Variants in HACD4 observed in about 807,000 individuals in gnomAD.
The protein encoded by HACD4 is very-long-chain (3R)-3-hydroxyacyl-CoA dehydratase 4.
In HACD4, 35 loss-of-function variants were observed where a neutral mutation model predicts 33.3. The ratio of observed to expected loss-of-function variants is 1.05; its 90% CI spans 0.80 to 1.39. The LOEUF (loss-of-function observed/expected upper bound fraction) is 1.39. Among genes scored for constraint, HACD4 ranks in the 40% most tolerant of loss-of-function variants. The pLI is 0.00. For synonymous variants in HACD4, 118 were observed against 98.0 expected (o/e 1.20, Z -1.21); for missense variants, 323 against 276.5 (o/e 1.17, Z -1.19).
At chr9:21,030,165 G>A (rs563778108) in intron 1 of HACD4, among the ~76,000 whole-genome samples, 1 of 152,060 alleles carries the variant, frequency 6.6e-6, no homozygotes, top group South Asian at 2.1e-4. Context: ...AACAGGCTGG[G>A]CGCGGTGGCT....
In HACD4 at chr9:21,024,442, T is replaced by A. The variant is rs1027948486; in HGVS notation, c.270+2154A>T. On this transcript the variant is annotated intron_variant, in intron 3 of 6. Transcript: ENST00000495827. ...TTGAATAAAAGGTCTCAATGTATAT[T>A]TGCCCCTATGTTTAAATTGCCAAAC... is the stretch of plus-strand genomic sequence containing the variant. 3.3e-5 allele frequency among the ~76,000 whole-genome samples: 5 copies of A among 152,354 alleles called. 1 individual carries two copies. The highest frequency in any genetic ancestry group is 1.3e-4 in the Admixed American group (2 of 15,312).
At chr9:21,025,838 C>T in intron 3 of HACD4, among the ~76,000 whole-genome samples, 1 of 152,164 alleles carries the variant, frequency 6.6e-6, no homozygotes, top group East Asian at 1.9e-4. Context: ...GTATTCTTAA[C>T]TAAGTGCCAG....
Position 21,008,145 on chromosome 9 carries a change from T to A in HACD4, c.492A>T (p.Ala164=). ...PIYPLCVLAE[A]FAIYQSLPYF... ...AAGGCAGCGATTGATAGATGGCAAA[T>A]GCTGTTAAAAAAGAAAGGCATCATA... The change falls in exon 6 of 7, where the codon GCA becomes GCT. Residue 164 remains alanine (A), a splice_region_variant and synonymous_variant. Coordinates refer to ENST00000495827, the MANE Select transcript of HACD4 (RefSeq NM_001010915.5). The A allele has an allele frequency of 6.2e-7, 1 of 1,604,658 alleles. No individual in the cohort carries two copies. The highest frequency in any genetic ancestry group is 8.5e-7 in the Non-Finnish European group (1 of 1,176,158).
intron 3 of HACD4, among the ~76,000 whole-genome samples, chr9:21,017,419 TTATAA>T (rs36212560): frequency 0.22 from 32,727 of 151,962 alleles, 3,972 homozygotes; most frequent in Middle Eastern, 0.32. Context: ...CAGTCTTTCT[TTATAA>T]TATAATACTC....
At chr9:21,026,055 T>C (rs1489611292) in intron 3 of HACD4, among the ~76,000 whole-genome samples, 3 of 152,220 alleles carry the variant, frequency 2.0e-5, no homozygotes, top group Non-Finnish European at 4.4e-5. Context: ...CCTCTTTCCA[T>C]TGACGTTTAG....
Position 21,007,193 on chromosome 9 carries a change from A to G in HACD4, c.617-74T>C, listed in dbSNP as rs1461985800. ...CTGGAAGAAACAATGCTTTTAAAAT[A>G]CAGTCAGAGTGCTGCCCAAATCCAG... On this transcript the variant is annotated intron_variant, in intron 6 of 6. Transcript: ENST00000495827. 8 of 829,232 alleles carry G rather than the reference A, an allele frequency of 9.6e-6. No individual in the cohort carries two copies. In the East Asian group the frequency reaches 1.5e-4, roughly 15 times the overall value. 51.4% of individuals were successfully genotyped at this position (829,232 alleles called of 1,614,324 possible).
chr9:21,031,317 T>G (rs1364971292), intron 1 of HACD4: 3 of 359,292 alleles, frequency 8.3e-6, no homozygotes, highest in African/African-American at 6.6e-5. Context: ...CCATGCAGCC[T>G]GTCCTTCCCA....
At chr9:21,015,283 G>C (rs984912618) in intron 4 of HACD4, 1 of 152,114 alleles carries the variant, frequency 6.6e-6, no homozygotes, top group Non-Finnish European at 1.5e-5. Flanking sequence ...TTCTTATTTA[G>C]GAAAGCTGAC....
Position 21,008,022 on chromosome 9 carries a change from T to A in HACD4, c.615A>T (p.Ile205=), listed in dbSNP as rs1242916758. ...AACAAGACCAAAAAAGCCACTTACC[T>A]ATAAAGAGCATCATGAGATATATTT... ...VLKIYLMMLF[I]GMYFTYSHLY... is the part of the protein sequence containing the mutation. Residue 205 remains isoleucine (I), a splice_region_variant and synonymous_variant, in exon 6 of 7, where the codon ATA becomes ATT. Transcript: ENST00000495827. 6.3e-7 allele frequency: 1 copy of A among 1,594,504 alleles called. No homozygotes were observed. The highest frequency in any genetic ancestry group is 2.3e-5 in the East Asian group (1 of 43,702).
At position 21,005,325 on chromosome 9, in the gene HACD4, A is replaced by T. The variant is rs564800347; in HGVS notation, c.*1712T>A. The T allele has an allele frequency of 1.3e-5, 2 of 152,370 alleles. No individual in the cohort carries two copies. The highest frequency in any genetic ancestry group is 2.9e-5 in the Non-Finnish European group (2 of 68,034). 9.4% of individuals were successfully genotyped at this position (152,370 alleles called of 1,614,324 possible). A position where few individuals can be genotyped will look rare whatever the true frequency, so the allele number is the denominator to read the frequency against. ...GAACCAGAACTTAAAAGATGTGGGA[A>T]ATTATCAGTCTGTCTGCATTACAAA... On this transcript the variant is annotated 3_prime_UTR_variant, in exon 7 of 7. Transcript: ENST00000495827. The surrounding 1 kb of genome is among the most constrained non-coding windows in gnomAD (Gnocchi z 4.0).
intron 3 of HACD4, among the ~76,000 whole-genome samples, chr9:21,017,212 C>G (rs1442058287): frequency 6.6e-6 from 1 of 152,068 alleles, no homozygotes; most frequent in Admixed American, 6.6e-5. Flanking sequence ...TGGAAAATCA[C>G]CTAGTGCCCA....
intron 3 of HACD4, among the ~76,000 whole-genome samples, chr9:21,019,158 T>C (rs899290799): frequency 2.0e-4 from 31 of 152,128 alleles, no homozygotes; most frequent in Admixed American, 1.6e-3. Flanking sequence ...TAGATAATTA[T>C]TGAGTGCACT....
intron 4 of HACD4, among the ~76,000 whole-genome samples, chr9:21,012,140 G>A (rs995877749): frequency 1.3e-5 from 2 of 152,190 alleles, no homozygotes. Context: ...TACTATCTAT[G>A]TGATCAATTA....
chr9:21,011,297 G>A (rs1842425314), intron 5 of HACD4, among the ~76,000 whole-genome samples: 1 of 152,110 alleles, frequency 6.6e-6, no homozygotes, highest in African/African-American at 2.4e-5. Context: ...CTTCTTTTTG[G>A]TGAATAAGCA....
chr9:21,021,449 G>A (rs1283613627), intron 3 of HACD4, among the ~76,000 whole-genome samples: 5 of 152,168 alleles, frequency 3.3e-5, no homozygotes, highest in Non-Finnish European at 7.3e-5. Context: ...GTCTCTGTCT[G>A]CAGATGACAT....
intron 3 of HACD4, among the ~76,000 whole-genome samples, chr9:21,024,811 T>C (rs1049763790): frequency 6.6e-6 from 1 of 152,194 alleles, no homozygotes; most frequent in African/African-American, 2.4e-5. Context: ...TAAAAAGGCC[T>C]TTAAAAAATA....
rs1413385550 is a variant in HACD4 at position 21,015,890 on chromosome 9, C to T, written c.383+8G>A. ...GCCTTGTTTTAAGAGATTATTTTGC[C>T]TTCTTACCTAACCATATCCAATAGA... On this transcript the variant is annotated splice_region_variant and intron_variant, in intron 4 of 6. Transcript: ENST00000495827. 3 of 1,575,110 alleles carry T rather than the reference C, an allele frequency of 1.9e-6. No homozygotes were observed. Among genetic ancestry groups the T allele is most frequent in the Non-Finnish European group, 2.6e-6 (3 of 1,145,626 alleles).
chr9:21,026,393 G>A (rs1372048157), intron 3 of HACD4, among the ~76,000 whole-genome samples: 1 of 152,242 alleles, frequency 6.6e-6, no homozygotes, highest in Non-Finnish European at 1.5e-5. Context: ...AGATCAGCAA[G>A]CATCACTGCC....
chr9:21,026,819 A>G (rs1818074438), intron 2 of HACD4, 96 bp from the exon 3 acceptor site: 2 of 966,870 alleles, frequency 2.1e-6, no homozygotes, highest in Non-Finnish European at 1.6e-6. Flanking sequence ...GAGATTATTC[A>G]CTTCCTTTTT....
Sources: allele counts gnomAD v4.1 joint callset (sites outside exome capture counted in the v4.1 genomes callset), GRCh38; gene constraint gnomAD v4.1.1; non-coding constraint Gnocchi (gnomAD v3.1); transcripts MANE v1.5; gene names NCBI Gene and HGNC (gene_info 2026-07-23, HGNC 2026-07-21).